The following TUT1 variants were observed in gnomAD, a reference collection of about 807,000 sequenced individuals.
The protein encoded by TUT1 is speckle targeted PIP5K1A-regulated poly(A) polymerase.
TUT1 carries 26 observed loss-of-function variants against 48.8 expected under a neutral mutation model. The ratio of observed to expected loss-of-function variants is 0.53; its 90% CI spans 0.39 to 0.74. TUT1 has a LOEUF of 0.74. TUT1 is among the 30% of genes least tolerant of loss of function. The pLI is 0.00. For missense variants in TUT1, 1,065 were observed against 1,114.8 expected, an observed-to-expected ratio of 0.96 and a Z score of 0.64; for synonymous variants, 470 against 460.8, an observed-to-expected ratio of 1.02 and a Z score of -0.26.
At chr11:62,584,029 A>G (rs1426928396) in intron 2 of TUT1, among the ~76,000 whole-genome samples, 1 of 152,192 alleles carries the variant, frequency 6.6e-6, no homozygotes, top group Non-Finnish European at 1.5e-5. Context: ...AGTAACCAAG[A>G]AAGGATAAGG....
chr11:62,584,538 T>G (rs1208214792), intron 2 of TUT1, among the ~76,000 whole-genome samples: 1 of 149,348 alleles, frequency 6.7e-6, no homozygotes, highest in Non-Finnish European at 1.5e-5. Flanking sequence ...GCCTCCCAGG[T>G]TCAAGTGATT....
chr11:62,575,141 G>A lies in TUT1; in HGVS notation c.2578C>T (p.His860Tyr). The change falls in exon 9 of 9, where the codon CAT (histidine) becomes TAT (tyrosine). Residue 860 changes from histidine (H) to tyrosine (Y), a missense_variant. Physicochemically the swap from His to Tyr is moderately conservative, Grantham distance 83. Transcript: ENST00000476907. ...TGAGGGAGGAAAACCTGTAAGAAAT[G>A]ATGGAGATCAGGGAACAGGCCTTGG... ...DPQGLFPDLH[H>Y]FLQVFLPQAI... 1 of 1,590,364 alleles carries A rather than the reference G, an allele frequency of 6.3e-7. No homozygotes were observed. Among genetic ancestry groups the A allele is most frequent in the Non-Finnish European group, 8.6e-7 (1 of 1,165,574 alleles).
Position 62,575,955 on chromosome 11 carries a change from G to T in TUT1, c.1764C>A (p.Asp588Glu). 6.2e-7 allele frequency: 1 copy of T among 1,614,122 alleles called. No homozygotes were observed. The highest frequency in any genetic ancestry group is 8.5e-7 in the Non-Finnish European group (1 of 1,180,018). ...GCTGCAGAAGAGGGAGCAGCCCCCA[G>T]TCCCGACCCCGGGAGGAACGGCGCT... ...QYQRRSSRGRDWGLLPLLQPS... is the reference protein window; with the variant it reads ...QYQRRSSRGREWGLLPLLQPS... The change falls in exon 9 of 9, where the codon GAC (aspartate) becomes GAA (glutamate). Residue 588 changes from aspartate (D) to glutamate (E), a missense_variant. Asp to Glu is a conservative substitution (Grantham distance 45). Coordinates refer to ENST00000476907, the MANE Select transcript of TUT1 (RefSeq NM_022830.3).
At position 62,577,225 on chromosome 11, in the gene TUT1, G is replaced by A. The variant is rs1188817433; in HGVS notation, c.1227C>T (p.Leu409=). The A allele has an allele frequency of 2.5e-5, 40 of 1,611,592 alleles. No individual in the cohort carries two copies. The highest frequency in any genetic ancestry group is 1.1e-4 in the East Asian group (5 of 44,876). The change falls in exon 6 of 9, where the codon CTC becomes CTT. Residue 409 remains leucine (L), a synonymous_variant. Transcript: ENST00000476907. ...CSELDGRVRP[L]VYTLRCWAQG... ...GAGCCCAGCAGCGGAGGGTGTACAC[G>A]AGGGGCCGGACTCGACCATCCAGCT...
Position 62,575,161 on chromosome 11 carries a change from C to A in TUT1, c.2558G>T (p.Gly853Val). ...LTVTPLQDPQ[G>V]LFPDLHHFLQ... ...GAAATGATGGAGATCAGGGAACAGG[C>A]CTTGGGGATCCTGGAGCGGGGTCAC... Residue 853 changes from glycine to valine, a missense_variant, in exon 9 of 9, where the codon GGC becomes GTC. By Grantham distance (109) the Gly-to-Val change is moderately radical. Transcript: ENST00000476907. 6.2e-7 allele frequency: 1 copy of A among 1,606,276 alleles called. No individual in the cohort carries two copies. Among genetic ancestry groups the A allele is most frequent in the Non-Finnish European group, 8.5e-7 (1 of 1,174,466 alleles).
rs143949073 is a variant in TUT1, at chr11:62,575,519, C to T, written c.2200G>A (p.Ala734Thr). 3.1e-6 allele frequency: 5 copies of T among 1,613,328 alleles called. No individual in the cohort carries two copies. The African/African-American group carries it at 6.7e-5, about 22-fold the overall frequency. ...PGEEGQPSHA[A>T]LAERGPKGHE... Reference sequence around the variant, plus strand: ...CCCTTGGGCCCCCGCTCTGCCAGGGCTGCGTGGCTGGGCTGCCCCTCTTCT... The same window carrying T: ...CCCTTGGGCCCCCGCTCTGCCAGGGTTGCGTGGCTGGGCTGCCCCTCTTCT... The change falls in exon 9 of 9, where the codon GCC becomes ACC. Residue 734 changes from alanine (A) to threonine (T), a missense_variant. Ala to Thr is a moderately conservative substitution (Grantham distance 58). Coordinates refer to ENST00000476907, the MANE Select transcript of TUT1 (RefSeq NM_022830.3).
chr11:62,580,103 TA>T (rs1327504537), intron 4 of TUT1, among the ~76,000 whole-genome samples: 3 of 152,130 alleles, frequency 2.0e-5, no homozygotes, highest in African/African-American at 7.2e-5. Flanking sequence ...AGTGAGACCC[TA>T]TTTCTAAGTA....
Position 62,578,755 on chromosome 11 carries a change from C to T in TUT1, c.966G>A (p.Lys322=), listed in dbSNP as rs776150708. 3 of 1,614,066 alleles carry T rather than the reference C, an allele frequency of 1.9e-6. No homozygotes were observed. The highest frequency in any genetic ancestry group is 2.5e-6 in the Non-Finnish European group (3 of 1,180,040). ...TTGGGGTCTCTGCTAGTTCCGAGGC[C>T]TTCCCCAGGTCCCCCTCTTCCCTGT... ...LEDREEGDLG[K]ASELAETPKE... The change falls in exon 5 of 9, where the codon AAG becomes AAA. Residue 322 remains lysine, a synonymous_variant. Coordinates refer to ENST00000476907, the MANE Select transcript of TUT1 (RefSeq NM_022830.3).
Position 62,575,883 on chromosome 11 carries a change from G to T in TUT1, c.1836C>A (p.Pro612=), listed in dbSNP as rs1317822238. 1.9e-6 allele frequency: 3 copies of T among 1,614,158 alleles called. No homozygotes were observed. Among genetic ancestry groups the T allele is most frequent in the East Asian group, 4.5e-5 (2 of 44,868 alleles). ...SLLSATPIPL[P]LAPFTQLTAA... is the part of the protein sequence containing the mutation. ...CAGTGAGCTGGGTGAAGGGTGCAAG[G>T]GGTAAAGGGATCGGCGTAGCAGAGA... Residue 612 remains proline, a synonymous_variant, in exon 9 of 9, where the codon CCC becomes CCA. Coordinates refer to ENST00000476907, the MANE Select transcript of TUT1 (RefSeq NM_022830.3).
rs775535370 is a variant in TUT1, at chr11:62,581,417, C to T, written c.558G>A (p.Leu186=). The change falls in exon 3 of 9, where the codon CTG becomes CTA. Residue 186 remains leucine (L), a synonymous_variant. Transcript: ENST00000476907. ...AGAACTCTGTGAAGACCTCCTGCATCAGGGCCACCACTAGGCTGCGAAGCT... is the reference window on the plus strand; with the variant it reads ...AGAACTCTGTGAAGACCTCCTGCATTAGGGCCACCACTAGGCTGCGAAGCT... ...ERQLRSLVVA[L]MQEVFTEFFP... is the part of the protein sequence containing the mutation. The T allele has an allele frequency of 6.2e-7, 1 of 1,609,502 alleles. No individual in the cohort carries two copies. Among genetic ancestry groups the T allele is most frequent in the Non-Finnish European group, 8.5e-7 (1 of 1,178,320 alleles).
rs1387886773 is a variant in TUT1, at chr11:62,591,403, C to T, written c.82+1G>A. ...CGGGTCCCTCACTAGCCACCGCTTA[C>T]GGTTGGCTGTAGTAACGTGGCAGAG... On this transcript the variant is annotated splice_donor_variant, in intron 1 of 8. Transcript: ENST00000476907. LOFTEE classifies it high-confidence loss of function. The T allele has an allele frequency of 7.6e-6, 12 of 1,578,652 alleles. No individual in the cohort carries two copies. Among genetic ancestry groups the T allele is most frequent in the Non-Finnish European group, 1.0e-5 (12 of 1,163,932 alleles).
At position 62,581,369 on chromosome 11, in the gene TUT1, T is replaced by A; in HGVS notation, c.589+17A>T. The A allele has an allele frequency of 6.3e-7, 1 of 1,587,228 alleles. No individual in the cohort carries two copies. Among genetic ancestry groups the A allele is most frequent in the Non-Finnish European group, 8.6e-7 (1 of 1,167,240 alleles). On this transcript the variant is annotated intron_variant, in intron 3 of 8. Coordinates refer to ENST00000476907, the MANE Select transcript of TUT1 (RefSeq NM_022830.3). ...AAGGCCAGGGAGGGCTCAGACATAGTAGGGGAGGTAACTTACCAGGGAAGA... is the reference window on the plus strand; with the variant it reads ...AAGGCCAGGGAGGGCTCAGACATAGAAGGGGAGGTAACTTACCAGGGAAGA...
chr11:62,586,420 A>C (rs765467210), intron 2 of TUT1, among the ~76,000 whole-genome samples: 4 of 152,226 alleles, frequency 2.6e-5, no homozygotes, highest in Non-Finnish European at 5.9e-5. Context: ...TGTTGTGGAG[A>C]TTAGATGCAA....
intron 1 of TUT1, among the ~76,000 whole-genome samples, chr11:62,590,359 G>A (rs1231828943): frequency 6.6e-6 from 1 of 152,250 alleles, no homozygotes; most frequent in Non-Finnish European, 1.5e-5. Context: ...CAAGTAGGCC[G>A]GGCGCGGTGG....
rs1425665378 is a variant in TUT1 at position 62,575,133 on chromosome 11, TA to T, written c.2585del (p.Leu862TyrfsTer22). On this transcript the variant is annotated frameshift_variant, in exon 9 of 9. Transcript: ENST00000476907. LOFTEE classifies it high-confidence loss of function. ...GAATTGCTTGAGGGAGGAAAACCTGTAAGAAATGATGGAGATCAGGGAACAG... is the reference window on the plus strand; with the variant it reads ...GAATTGCTTGAGGGAGGAAAACCTGTAGAAATGATGGAGATCAGGGAACAG... ...QGLFPDLHHF[L>X]QVFLPQAIRH... is the part of the protein sequence containing the mutation. 1.3e-6 allele frequency: 2 copies of T among 1,583,462 alleles called. No individual in the cohort carries two copies. The highest frequency in any genetic ancestry group is 1.7e-6 in the Non-Finnish European group (2 of 1,162,290).
Position 62,577,005 on chromosome 11 carries a change from A to AG in TUT1, c.1282dup (p.Leu428ProfsTer4). Reference sequence around the variant, plus strand: ...CAAGGTCAGGGCGTAGTTACTGAGAAGGGGGCCACTCCCTGGGTAAATAAG... The same window carrying AG: ...CAAGGTCAGGGCGTAGTTACTGAGAAGGGGGGCCACTCCCTGGGTAAATAAG... On this transcript the variant is annotated frameshift_variant, in exon 7 of 9. Transcript: ENST00000476907. LOFTEE classifies it high-confidence loss of function. 2 of 1,614,008 alleles carry AG rather than the reference A, an allele frequency of 1.2e-6. No individual in the cohort carries two copies. The highest frequency in any genetic ancestry group is 1.7e-6 in the Non-Finnish European group (2 of 1,179,972).
rs773643352 is a variant in TUT1, at chr11:62,577,313, G to C, written c.1161-22C>G. 14 of 1,594,844 alleles carry C rather than the reference G, an allele frequency of 8.8e-6. No homozygotes were observed. In the South Asian group the frequency reaches 1.3e-4, roughly 15 times the overall value. The stretch of plus-strand genomic sequence containing the variant: ...CAGCCTGGGACAAAGCAGGGACAAG[G>C]GTGTTAGCGCTTGGGGATGTCAGAA... On this transcript the variant is annotated intron_variant, in intron 5 of 8. Transcript: ENST00000476907.
At position 62,576,835 on chromosome 11, in the gene TUT1, G is replaced by A. The variant is rs563368072; in HGVS notation, c.1381+72C>T. Reference sequence around the variant, plus strand: ...AGAGATCTCATTCACAGAGCTGCTTGGTGTATCTAAGTGTGATGAAGAAGA... The same window carrying A: ...AGAGATCTCATTCACAGAGCTGCTTAGTGTATCTAAGTGTGATGAAGAAGA... On this transcript the variant is annotated intron_variant, in intron 7 of 8. Transcript: ENST00000476907. 9.4e-6 allele frequency: 15 copies of A among 1,589,360 alleles called. No homozygotes were observed. In the African/African-American group the frequency reaches 1.2e-4, roughly 13 times the overall value.
At chr11:62,580,552 C>T (rs1330595735) in intron 4 of TUT1, among the ~76,000 whole-genome samples, 1 of 149,398 alleles carries the variant, frequency 6.7e-6, no homozygotes, top group African/African-American at 2.5e-5. Flanking sequence ...TTGCACACAC[C>T]ATTTTGAAAT....
Sources: gnomAD v4.1 joint callset for allele counts (sites outside exome capture counted in the v4.1 genomes callset) on GRCh38, gnomAD v4.1.1 for gene constraint, MANE v1.5 for transcripts, NCBI Gene and HGNC (gene_info 2026-07-23, HGNC 2026-07-21) for gene names.